The following MEP1B variants were observed in gnomAD, a reference collection of about 807,000 sequenced individuals.
The protein encoded by MEP1B is N-benzoyl-L-tyrosyl-P-amino-benzoic acid hydrolase subunit beta.
MEP1B carries 80 observed loss-of-function variants against 84.6 expected under a neutral mutation model. The ratio of observed to expected loss-of-function variants is 0.95; its 90% CI spans 0.79 to 1.14. The LOEUF (loss-of-function observed/expected upper bound fraction) is 1.14, where lower values mean the gene tolerates loss of function less well. Among genes scored for constraint, MEP1B ranks in the 50% most tolerant of loss-of-function variants. MEP1B has a pLI of 0.00. For missense variants in MEP1B, 766 were observed against 855.1 expected, an observed-to-expected ratio of 0.90 and a Z score of 1.30; for synonymous variants, 273 against 288.1, an observed-to-expected ratio of 0.95 and a Z score of 0.53.
intron 9 of MEP1B, among the ~76,000 whole-genome samples, chr18:32,209,275 T>C (rs2040998052): frequency 6.6e-6 from 1 of 151,866 alleles, no homozygotes; most frequent in Non-Finnish European, 1.5e-5. Context: ...TTACCTGAGG[T>C]TGGGAGTTTG....
At chr18:32,212,760 G>A (rs919748315) in intron 10 of MEP1B, among the ~76,000 whole-genome samples, 12 of 152,184 alleles carry the variant, frequency 7.9e-5, no homozygotes, top group African/African-American at 2.4e-4. Context: ...TTGAGTAGAA[G>A]TGTTACAAGT....
At chr18:32,212,222 C>T (rs1878779091) in intron 10 of MEP1B, among the ~76,000 whole-genome samples, 1 of 151,804 alleles carries the variant, frequency 6.6e-6, no homozygotes, top group African/African-American at 2.4e-5. Context: ...GTGGGTTCGT[C>T]ATTGATACAC....
intron 5 of MEP1B, among the ~76,000 whole-genome samples, chr18:32,200,690 T>C (rs2040903086): frequency 6.6e-6 from 1 of 152,186 alleles, no homozygotes; most frequent in East Asian, 1.9e-4. Context: ...GAGCTTGAAC[T>C]TCAGATGTTA....
chr18:32,198,642 GC>G (rs1350770894), intron 5 of MEP1B, among the ~76,000 whole-genome samples: 5 of 152,174 alleles, frequency 3.3e-5, no homozygotes, highest in Admixed American at 6.5e-5. Context: ...AGAGTGGGGA[GC>G]TAGGAAGTTG....
Position 32,220,328 on chromosome 18 carries a change from C to T in MEP1B, c.*83C>T. ...TTTCGCCTAAGTGATATTACAGCCA[C>T]CTCATTCTTCTAAAAGTGGATATTT... On this transcript the variant is annotated 3_prime_UTR_variant, in exon 15 of 15. Coordinates refer to ENST00000269202, the MANE Select transcript of MEP1B (RefSeq NM_005925.3). The T allele has an allele frequency of 8.0e-7, 1 of 1,243,828 alleles. No individual in the cohort carries two copies. Among genetic ancestry groups the T allele is most frequent in the Non-Finnish European group, 1.2e-6 (1 of 868,168 alleles). The allele number at this position is 1,243,828 out of a possible 1,614,324, so 77.0% of individuals were successfully genotyped here.
At position 32,217,906 on chromosome 18, in the gene MEP1B, A is replaced by G; in HGVS notation, c.2032A>G (p.Thr678Ala). 1 of 1,613,972 alleles carries G rather than the reference A, an allele frequency of 6.2e-7. No homozygotes were observed. The highest frequency in any genetic ancestry group is 8.5e-7 in the Non-Finnish European group (1 of 1,179,888). The change falls in exon 14 of 15, where the codon ACC becomes GCC. Residue 678 changes from threonine to alanine, a missense_variant. Transcript: ENST00000269202. ...CATCACCCTTGTCAGTGTCTATTGC[A>G]CCAGGAAGAAATATCGTGAAAGGAT... The part of the protein sequence containing the change: ...LIITLVSVYC[T>A]RKKYRERMSS...
Position 32,215,194 on chromosome 18 carries a change from C to G in MEP1B, c.1692C>G (p.Thr564=). ...GCTATGGAACCAGTGCCTTTATAAC[C>G]CACGAAAGGCTGAAAAGCAGAGATT... ...GGGYGTSAFI[T]HERLKSRDFI... is the part of the protein sequence containing the mutation. The change falls in exon 12 of 15, where the codon ACC becomes ACG. Residue 564 remains threonine (T), a synonymous_variant. Coordinates refer to ENST00000269202, the MANE Select transcript of MEP1B (RefSeq NM_005925.3). The G allele has an allele frequency of 6.2e-7, 1 of 1,611,280 alleles. No individual in the cohort carries two copies.
At chr18:32,208,403 A>G in intron 9 of MEP1B, 132 bp downstream of exon 9, 1 of 921,378 alleles carries the variant, frequency 1.1e-6, no homozygotes, top group East Asian at 2.7e-5. Context: ...TACTACTGAG[A>G]AGTAGGCCTT....
At chr18:32,194,889 T>A (rs1049880756) in intron 4 of MEP1B, among the ~76,000 whole-genome samples, 1 of 152,212 alleles carries the variant, frequency 6.6e-6, no homozygotes, top group Non-Finnish European at 1.5e-5. Context: ...GCCAGAGACC[T>A]TTATTACCAA....
rs143655902 is a variant in MEP1B, at chr18:32,194,285, A to G, written c.172-1122A>G. Among the ~76,000 whole-genome samples the G allele has an allele frequency of 4.1e-4, 62 of 152,094 alleles. No individual in the cohort carries two copies. In the East Asian group the frequency reaches 0.011, roughly 28 times the overall value. On this transcript the variant is annotated intron_variant, in intron 4 of 14. Coordinates refer to ENST00000269202, the MANE Select transcript of MEP1B (RefSeq NM_005925.3). ...CATTAGCCTCCTAATTTGTCTTTCT[A>G]TTTCAGATATTGTTCCCCTATAATC...
intron 7 of MEP1B, among the ~76,000 whole-genome samples, chr18:32,204,751 G>C (rs1410308491): frequency 6.6e-6 from 1 of 152,148 alleles, no homozygotes; most frequent in Non-Finnish European, 1.5e-5. Context: ...CTGGTGGCTG[G>C]AAAGTCCAAA....
chr18:32,194,744 T>C (rs1159325220), intron 4 of MEP1B, among the ~76,000 whole-genome samples: 2 of 152,124 alleles, frequency 1.3e-5, no homozygotes, highest in Admixed American at 1.3e-4. Context: ...GATCACTCCA[T>C]CTCATGTACT....
At position 32,217,047 on chromosome 18, in the gene MEP1B, G is replaced by A. The variant is rs1568274250; in HGVS notation, c.1816G>A (p.Asp606Asn). ...IQLTPAPSVQDLCSKTTCKND... is the reference protein window; with the variant it reads ...IQLTPAPSVQNLCSKTTCKND... ...GCTAACACCAGCCCCTAGTGTTCAAGACCTCTGCTCAAAAACCACCTGTAA... is the reference window on the plus strand; with the variant it reads ...GCTAACACCAGCCCCTAGTGTTCAAAACCTCTGCTCAAAAACCACCTGTAA... Residue 606 changes from aspartate (D) to asparagine (N), a missense_variant, in exon 13 of 15, where the codon GAC becomes AAC. By Grantham distance (23) the Asp-to-Asn change is conservative. Coordinates refer to ENST00000269202, the MANE Select transcript of MEP1B (RefSeq NM_005925.3). 1 of 1,613,920 alleles carries A rather than the reference G, an allele frequency of 6.2e-7. No individual in the cohort carries two copies. Among genetic ancestry groups the A allele is most frequent in the Non-Finnish European group, 8.5e-7 (1 of 1,179,854 alleles).
intron 10 of MEP1B, among the ~76,000 whole-genome samples, 173 bp from the exon 11 acceptor site, chr18:32,212,942 GA>G (rs1292910723): frequency 6.6e-6 from 1 of 152,218 alleles, no homozygotes; most frequent in Non-Finnish European, 1.5e-5. Context: ...TGACCCCACA[GA>G]AGCACCTTGA....
rs1555705744 is a variant in MEP1B at position 32,197,414 on chromosome 18, T to TG, written c.250+1929_250+1930insG. Among the ~76,000 whole-genome samples the TG allele has an allele frequency of 2.4e-4, 36 of 151,080 alleles. 1 individual carries two copies. The highest frequency in any genetic ancestry group is 1.0e-3 in the South Asian group (5 of 4,766). On this transcript the variant is annotated intron_variant, in intron 5 of 14. Transcript: ENST00000269202. ...TTTATTTTTCATTTTTGTTTTTTTTTTTTTGTTTTGAGACAGAGTCTTGCT... is the reference window on the plus strand; with the variant it reads ...TTTATTTTTCATTTTTGTTTTTTTTTGTTTTGTTTTGAGACAGAGTCTTGCT...
chr18:32,190,823 C>T (rs2040795154), intron 1 of MEP1B, among the ~76,000 whole-genome samples: 1 of 152,022 alleles, frequency 6.6e-6, no homozygotes, highest in Non-Finnish European at 1.5e-5. Context: ...GAGTGTATGC[C>T]TGTGTGTGGT....
Position 32,215,268 on chromosome 18 carries a change from C to A in MEP1B, c.1759+7C>A. 2 of 1,541,100 alleles carry A rather than the reference C, an allele frequency of 1.3e-6. No homozygotes were observed. The highest frequency in any genetic ancestry group is 1.7e-6 in the Non-Finnish European group (2 of 1,144,650). ...ATCCTACTGACAGTGGAAGGTATGTCAATAAAAATAGTTTTATATAAACTA... is the reference window on the plus strand; with the variant it reads ...ATCCTACTGACAGTGGAAGGTATGTAAATAAAAATAGTTTTATATAAACTA... On this transcript the variant is annotated splice_region_variant and intron_variant, in intron 12 of 14. Transcript: ENST00000269202.
In MEP1B at chr18:32,215,339, G is replaced by A. The variant is rs2041072637; in HGVS notation, c.1759+78G>A. 5 of 943,004 alleles carry A rather than the reference G, an allele frequency of 5.3e-6. No individual in the cohort carries two copies. The South Asian group carries it at 8.1e-5, about 15-fold the overall frequency. The allele number at this position is 943,004 out of a possible 1,614,324, so 58.4% of individuals were successfully genotyped here. A position where few individuals can be genotyped will look rare whatever the true frequency, so the allele number is the denominator to read the frequency against. ...CTGATTATTTTCTGTTTTTCTTTCTGCATTCCACTTTTAGATGTATTATAT... is the reference window on the plus strand; with the variant it reads ...CTGATTATTTTCTGTTTTTCTTTCTACATTCCACTTTTAGATGTATTATAT... On this transcript the variant is annotated intron_variant, in intron 12 of 14. Coordinates refer to ENST00000269202, the MANE Select transcript of MEP1B (RefSeq NM_005925.3).
At chr18:32,215,810 C>T (rs971189946) in intron 12 of MEP1B, among the ~76,000 whole-genome samples, 14 of 151,976 alleles carry the variant, frequency 9.2e-5, no homozygotes, top group African/African-American at 2.2e-4. Flanking sequence ...GGCCAAAGAG[C>T]GAGACTCCGT....
Sources: allele counts gnomAD v4.1 joint callset (sites outside exome capture counted in the v4.1 genomes callset), GRCh38; gene constraint gnomAD v4.1.1; transcripts MANE v1.5; gene names NCBI Gene and HGNC (gene_info 2026-07-23, HGNC 2026-07-21).